The following AGBL4 variants were observed in gnomAD, a reference collection of about 807,000 sequenced individuals.
AGBL4 encodes the protein AGBL carboxypeptidase 4.
AGBL4 carries 58 observed loss-of-function variants against 66.4 expected under a neutral mutation model. That is an observed-to-expected ratio of 0.87 (90% CI 0.71 to 1.09). The LOEUF (loss-of-function observed/expected upper bound fraction) is 1.09. Among genes scored for constraint, AGBL4 ranks in the 50% least tolerant of loss-of-function variants. The pLI is 0.00. For synonymous variants in AGBL4, 234 were observed against 222.9 expected, an observed-to-expected ratio of 1.05 and a Z score of -0.44; for missense variants, 579 against 631.0, an observed-to-expected ratio of 0.92 and a Z score of 0.88.
intron 5 of AGBL4, among the ~76,000 whole-genome samples, chr1:48,992,401 C>A (rs965286757): frequency 1.6e-4 from 24 of 152,084 alleles, no homozygotes; most frequent in African/African-American, 5.6e-4. Flanking sequence ...CCTGTGGCCA[C>A]CACCACTGGG....
chr1:49,804,850 G>C (rs1371682334), intron 2 of AGBL4, among the ~76,000 whole-genome samples: 1 of 152,100 alleles, frequency 6.6e-6, no homozygotes, highest in Non-Finnish European at 1.5e-5. Flanking sequence ...CTTTACATTA[G>C]AGTATCCCTA....
At chr1:49,823,778 A>ATGTGTGTGTGTGTGTGTGTG (rs10528873) in intron 2 of AGBL4, among the ~76,000 whole-genome samples, 62 of 147,576 alleles carry the variant, frequency 4.2e-4, no homozygotes, top group African/African-American at 1.5e-3. Context: ...AGGCTGCATA[A>ATGTGTGTGTGTGTGTGTGTG]TGTGTGTGTG....
chr1:49,258,417 A>C (rs943120669), intron 3 of AGBL4, among the ~76,000 whole-genome samples: 2 of 152,308 alleles, frequency 1.3e-5, no homozygotes, highest in Non-Finnish European at 2.9e-5. Context: ...AAAAAAATTT[A>C]GACGAATGTA....
At chr1:48,983,141 T>C (rs1659913044) in intron 5 of AGBL4, among the ~76,000 whole-genome samples, 1 of 152,152 alleles carries the variant, frequency 6.6e-6, no homozygotes, top group Non-Finnish European at 1.5e-5. Context: ...GCTTTCAACA[T>C]AATAACAAAT....
At chr1:49,616,691 T>G (rs1394591432) in intron 3 of AGBL4, among the ~76,000 whole-genome samples, 1 of 152,190 alleles carries the variant, frequency 6.6e-6, no homozygotes, top group African/African-American at 2.4e-5. Flanking sequence ...ATCCAAAACC[T>G]AGGCTCCTTA....
intron 11 of AGBL4, among the ~76,000 whole-genome samples, chr1:48,570,387 T>A (rs1644542399): frequency 6.6e-6 from 1 of 152,186 alleles, no homozygotes; most frequent in Non-Finnish European, 1.5e-5. Flanking sequence ...GCTGGAGGGC[T>A]GTGAGAGGTG....
intron 4 of AGBL4, among the ~76,000 whole-genome samples, chr1:49,061,622 G>T (rs938727718): frequency 6.6e-6 from 1 of 152,122 alleles, no homozygotes; most frequent in East Asian, 1.9e-4. Context: ...TCAGCAACAA[G>T]CATCAGATTA....
chr1:49,860,307 T>C (rs1469278040), intron 1 of AGBL4, among the ~76,000 whole-genome samples: 2 of 152,240 alleles, frequency 1.3e-5, no homozygotes, highest in Non-Finnish European at 2.9e-5. Context: ...TAAAACTAAA[T>C]GCAGAAATGC....
At chr1:48,728,050 G>A (rs373742610) in intron 6 of AGBL4, 49 of 1,576,090 alleles carry the variant, frequency 3.1e-5, no homozygotes, top group South Asian at 1.1e-4. Flanking sequence ...CACTCTAGAC[G>A]GGGAGAAGAA....
chr1:48,718,704 G>C (rs1240186694), intron 6 of AGBL4, among the ~76,000 whole-genome samples: 2 of 152,172 alleles, frequency 1.3e-5, no homozygotes, highest in Non-Finnish European at 2.9e-5. Flanking sequence ...TTGGGTCATG[G>C]GATGCTGTCA....
intron 1 of AGBL4, among the ~76,000 whole-genome samples, chr1:49,945,869 C>A (rs1247880544): frequency 6.6e-6 from 1 of 151,904 alleles, no homozygotes; most frequent in African/African-American, 2.4e-5. Flanking sequence ...TGGAAAAAGA[C>A]ATTCCAAGCA....
intron 3 of AGBL4, among the ~76,000 whole-genome samples, chr1:49,459,694 T>G (rs1646469469): frequency 6.6e-6 from 1 of 151,692 alleles, no homozygotes. Flanking sequence ...TCTTTTCTTC[T>G]GCTGGCTTTG....
chr1:49,677,683 T>C (rs1646607376), intron 3 of AGBL4, among the ~76,000 whole-genome samples: 2 of 152,042 alleles, frequency 1.3e-5, no homozygotes, highest in Non-Finnish European at 2.9e-5. Context: ...CCCCCAAAAT[T>C]AGTATTTTGA....
chr1:49,623,348 C>CT (rs1645403928), intron 3 of AGBL4, among the ~76,000 whole-genome samples: 1 of 152,140 alleles, frequency 6.6e-6, no homozygotes, highest in Non-Finnish European at 1.5e-5. Flanking sequence ...TTTACAAACA[C>CT]TGAGATTCCT....
intron 2 of AGBL4, among the ~76,000 whole-genome samples, chr1:49,822,442 C>T (rs1350612552): frequency 6.6e-6 from 1 of 151,992 alleles, no homozygotes; most frequent in Non-Finnish European, 1.5e-5. Flanking sequence ...AATTCTCCTG[C>T]CTTAGCCTCC....
intron 4 of AGBL4, among the ~76,000 whole-genome samples, chr1:49,222,167 TTA>T (rs781112651): frequency 9.9e-5 from 15 of 152,282 alleles, no homozygotes; most frequent in South Asian, 4.1e-4. Flanking sequence ...AATACCCATA[TTA>T]TATATGTCTT....
At chr1:48,689,115 G>T (rs1337376996) in intron 6 of AGBL4, among the ~76,000 whole-genome samples, 1 of 151,066 alleles carries the variant, frequency 6.6e-6, no homozygotes, top group Non-Finnish European at 1.5e-5. Context: ...CAGCCACTCA[G>T]GAGGCTGAGG....
At chr1:49,678,674 C>A (rs1414074825) in intron 3 of AGBL4, among the ~76,000 whole-genome samples, 2 of 150,576 alleles carry the variant, frequency 1.3e-5, no homozygotes, top group Admixed American at 6.6e-5. Flanking sequence ...TCATTCACTT[C>A]ACTGTGTTTT....
chr1:49,482,829 C>G (rs1007971990), intron 3 of AGBL4, among the ~76,000 whole-genome samples: 1 of 152,000 alleles, frequency 6.6e-6, no homozygotes, highest in Non-Finnish European at 1.5e-5. Flanking sequence ...TATCTTTGTT[C>G]TCATTATTTT....
Sources: allele counts gnomAD v4.1 joint callset (sites outside exome capture counted in the v4.1 genomes callset), GRCh38; gene constraint gnomAD v4.1.1; transcripts MANE v1.5; gene names NCBI Gene and HGNC (gene_info 2026-07-23, HGNC 2026-07-21).